The following PARD3 variants were observed in gnomAD, a reference collection of about 807,000 sequenced individuals.
The protein encoded by PARD3 is par-3 family cell polarity regulator.
PARD3 carries 75 observed loss-of-function variants against 155.4 expected under a neutral mutation model. That is an observed-to-expected ratio of 0.48 (90% CI 0.40 to 0.58). The LOEUF is 0.58. Among genes scored for constraint, PARD3 ranks in the 20% least tolerant of loss-of-function variants. The pLI, the probability that PARD3 is intolerant of heterozygous loss-of-function variation, is 0.00. For missense variants in PARD3, 1,642 were observed against 1,721.7 expected (o/e 0.95, Z 0.82); for synonymous variants, 576 against 610.5 (o/e 0.94, Z 0.83).
chr10:34,446,460 C>G (rs1371713269), intron 5 of PARD3, among the ~76,000 whole-genome samples: 2 of 152,048 alleles, frequency 1.3e-5, no homozygotes, highest in African/African-American at 2.4e-5. Context: ...TCCCTATTTG[C>G]TGGATGAGTA....
intron 21 of PARD3, among the ~76,000 whole-genome samples, chr10:34,276,218 T>C (rs1465975078): frequency 6.8e-6 from 1 of 147,236 alleles, no homozygotes; most frequent in Non-Finnish European, 1.5e-5. Context: ...ACTTGTTATG[T>C]TCAAGCATAA....
intron 1 of PARD3, among the ~76,000 whole-genome samples, chr10:34,803,354 A>C (rs1010195810): frequency 1.3e-5 from 2 of 151,992 alleles, no homozygotes; most frequent in South Asian, 2.1e-4. Context: ...CAGAATCCTG[A>C]TCCATGATGT....
chr10:34,400,374 A>G (rs568156608), intron 6 of PARD3, among the ~76,000 whole-genome samples: 2 of 152,324 alleles, frequency 1.3e-5, no homozygotes, highest in East Asian at 1.9e-4. Context: ...AATCTTTACT[A>G]TTAATAAAAT....
At chr10:34,344,204 C>T (rs928094883) in intron 15 of PARD3, 22 of 984,272 alleles carry the variant, frequency 2.2e-5, no homozygotes, top group South Asian at 9.4e-5. Context: ...ATGTCTTTTA[C>T]GAAATGGATG....
At position 34,755,652 on chromosome 10, in the gene PARD3, A is replaced by G. The variant is rs373341840; in HGVS notation, c.120+59224T>C. Among the ~76,000 whole-genome samples, 11 of 152,144 alleles carry G rather than the reference A, an allele frequency of 7.2e-5. No homozygotes were observed. In the East Asian group the frequency reaches 1.2e-3, roughly 16 times the overall value. On this transcript the variant is annotated intron_variant, in intron 1 of 24. Transcript: ENST00000374788. Reference sequence around the variant, plus strand: ...TTCTCAGCAGTTTTCTCATCAAATGATTTCCAAGAACAGTCTCTCCTCAAG... The same window carrying G: ...TTCTCAGCAGTTTTCTCATCAAATGGTTTCCAAGAACAGTCTCTCCTCAAG...
At chr10:34,633,865 C>T (rs371542825) in intron 2 of PARD3, among the ~76,000 whole-genome samples, 81 of 152,310 alleles carry the variant, frequency 5.3e-4, no homozygotes, top group African/African-American at 1.9e-3. Context: ...TTCTGGATAA[C>T]AGCTATTCTA....
intron 1 of PARD3, among the ~76,000 whole-genome samples, chr10:34,710,846 C>A (rs990832262): frequency 6.6e-6 from 1 of 152,154 alleles, no homozygotes; most frequent in Non-Finnish European, 1.5e-5. Flanking sequence ...GTTCCAACTA[C>A]CCAAATTGTA....
chr10:34,620,570 T>C (rs2091597905), intron 2 of PARD3, among the ~76,000 whole-genome samples: 1 of 152,226 alleles, frequency 6.6e-6, no homozygotes, highest in Non-Finnish European at 1.5e-5. Context: ...AAACAGTAAC[T>C]GGAAATTGGG....
At chr10:34,402,772 G>T (rs1452798837) in intron 5 of PARD3, among the ~76,000 whole-genome samples, 1 of 152,134 alleles carries the variant, frequency 6.6e-6, no homozygotes, top group Admixed American at 6.6e-5. Flanking sequence ...ACAAACCAAT[G>T]ATTAGATAGG....
chr10:34,521,411 C>T (rs1330621873), intron 2 of PARD3, among the ~76,000 whole-genome samples: 1 of 148,498 alleles, frequency 6.7e-6, no homozygotes, highest in Non-Finnish European at 1.5e-5. Context: ...CAAAAAACTG[C>T]GTATTAAAAA....
In PARD3 at chr10:34,519,968, C is replaced by T. The variant is rs574969625; in HGVS notation, c.223-2809G>A. ...CTTGGAGCTTCACCCTTCAATCCCA[C>T]ACCTAGCAACTCAGCTTAGCCTTCC... On this transcript the variant is annotated intron_variant, in intron 2 of 24. Transcript: ENST00000374788. Among the ~76,000 whole-genome samples the T allele has an allele frequency of 4.6e-5, 7 of 152,210 alleles. No individual in the cohort carries two copies. The East Asian group carries it at 1.2e-3, about 25-fold the overall frequency.
At chr10:34,714,580 G>A (rs1482742060) in intron 1 of PARD3, among the ~76,000 whole-genome samples, 2 of 152,088 alleles carry the variant, frequency 1.3e-5, no homozygotes, top group East Asian at 1.9e-4. Context: ...ATCTAAGGAC[G>A]GAGGGGCCTG....
intron 2 of PARD3, among the ~76,000 whole-genome samples, chr10:34,601,381 C>A (rs2089765618): frequency 6.6e-6 from 1 of 152,054 alleles, no homozygotes; most frequent in South Asian, 2.1e-4. Context: ...TTCAAGGCTG[C>A]AGTGAGCTAT....
chr10:34,696,338 C>T lies in PARD3; in HGVS notation c.202G>A (p.Val68Ile), dbSNP rs2094172257. 2 of 1,608,052 alleles carry T rather than the reference C, an allele frequency of 1.2e-6. No individual in the cohort carries two copies. The highest frequency in any genetic ancestry group is 1.7e-6 in the Non-Finnish European group (2 of 1,174,554). ...ILDLDDILCD[V>I]ADDKDRLVAV... ...CTCACTCTGTCTTTATCGTCTGCTA[C>T]ATCACAAAGAATGTCATCAAGGTCT... The change falls in exon 2 of 25, where the codon GTA (valine) becomes ATA (isoleucine). Residue 68 changes from valine to isoleucine, a missense_variant. Physicochemically the swap from Val to Ile is conservative, Grantham distance 29. Around this residue, in one of 3 missense-constraint regions of PARD3, gnomAD observed 38 missense variants for 69.1 expected, o/e 0.55. Transcript: ENST00000374788.
chr10:34,235,678 A>G (rs1953186697), intron 22 of PARD3, among the ~76,000 whole-genome samples: 1 of 152,198 alleles, frequency 6.6e-6, no homozygotes, highest in Admixed American at 6.5e-5. Flanking sequence ...GATCTTGCCG[A>G]GTTCTGACTA....
intron 2 of PARD3, among the ~76,000 whole-genome samples, chr10:34,640,920 CAT>C (rs1192161144): frequency 5.9e-5 from 9 of 151,810 alleles, no homozygotes; most frequent in Admixed American, 6.6e-5. Context: ...TATTAATAAA[CAT>C]GTAATAATTT....
At chr10:34,567,544 A>G (rs935167113) in intron 2 of PARD3, among the ~76,000 whole-genome samples, 1 of 152,240 alleles carries the variant, frequency 6.6e-6, no homozygotes, top group African/African-American at 2.4e-5. Context: ...TTGACTTAGC[A>G]TCAAACAAGT....
chr10:34,229,661 C>CGTGTGTGT (rs57319517), intron 22 of PARD3, among the ~76,000 whole-genome samples: 86 of 145,736 alleles, frequency 5.9e-4, no homozygotes, highest in African/African-American at 2.1e-3. Context: ...GTTGAGGGTG[C>CGTGTGTGT]GTGTGTGTGT....
chr10:34,579,043 G>C (rs1021158790), intron 2 of PARD3, among the ~76,000 whole-genome samples: 1 of 152,150 alleles, frequency 6.6e-6, no homozygotes, highest in Non-Finnish European at 1.5e-5. Context: ...AGACCAAGGA[G>C]GGTGGATCAC....
Sources: gnomAD v4.1 joint callset for allele counts (sites outside exome capture counted in the v4.1 genomes callset) on GRCh38, gnomAD v4.1.1 for gene constraint, gnomAD v4.1.1 regional missense constraint, MANE v1.5 for transcripts, NCBI Gene and HGNC (gene_info 2026-07-23, HGNC 2026-07-21) for gene names.